The following RFTN1 variants were observed in gnomAD, a reference collection of about 807,000 sequenced individuals.
The protein encoded by RFTN1 is raftlin, lipid raft linker 1, also known as raftlin.
Under a neutral mutation model 46.5 loss-of-function variants are expected in RFTN1, and 26 were observed. That is an observed-to-expected ratio of 0.56 (90% CI 0.41 to 0.78). The LOEUF is 0.78. RFTN1 is among the 30% of genes least tolerant of loss of function. The probability of loss-of-function intolerance (pLI) is 0.00; values close to 1 mark genes in which losing one functional copy is unlikely to be tolerated. For missense variants in RFTN1, 693 were observed against 718.7 expected, an observed-to-expected ratio of 0.96 and a Z score of 0.41; for synonymous variants, 261 against 284.2, an observed-to-expected ratio of 0.92 and a Z score of 0.82.
In RFTN1 at chr3:16,498,619, C is replaced by T. The variant is rs544138684; in HGVS notation, c.-8-4742G>A. ...TGGCTAAGCAACTGTTTCTAAAGCA[C>T]AGCCCTCTTTGGAAAGGGAGACACA... On this transcript the variant is annotated intron_variant, in intron 1 of 9. Transcript: ENST00000334133. This position sits in a 1 kb window ranked among gnomAD's most constrained non-coding sequence, Gnocchi z 5.2. Among the ~76,000 whole-genome samples the T allele has an allele frequency of 3.6e-4, 55 of 152,194 alleles. 1 individual carries two copies. The highest frequency in any genetic ancestry group is 6.2e-4 in the Non-Finnish European group (42 of 68,030).
At chr3:16,364,806 T>C (rs2073052770) in intron 6 of RFTN1, among the ~76,000 whole-genome samples, 1 of 152,226 alleles carries the variant, frequency 6.6e-6, no homozygotes. Context: ...ATGACAAGTA[T>C]ATAAAGTCTG....
At chr3:16,355,784 C>T (rs2072395896) in intron 7 of RFTN1, among the ~76,000 whole-genome samples, 3 of 152,250 alleles carry the variant, frequency 2.0e-5, no homozygotes, top group Non-Finnish European at 4.4e-5. Flanking sequence ...TAACTTCCCA[C>T]ATGATGCTGA....
chr3:16,430,667 C>A (rs562264102), intron 3 of RFTN1, among the ~76,000 whole-genome samples: 5 of 152,228 alleles, frequency 3.3e-5, no homozygotes, highest in African/African-American at 1.2e-4. Flanking sequence ...TTAAAAAAGG[C>A]AGTTCCAAAG....
At chr3:16,472,145 A>G (rs1575340166) in intron 2 of RFTN1, 1 of 151,462 alleles carries the variant, frequency 6.6e-6, no homozygotes, top group Non-Finnish European at 1.5e-5. Flanking sequence ...AGGCTTGAGG[A>G]GTTAAAGAGG....
rs114568480 is a variant in RFTN1 at position 16,475,093 on chromosome 3, A to T, written c.145+18632T>A. 4.9e-3 allele frequency among the ~76,000 whole-genome samples: 741 copies of T among 152,282 alleles called. 5 individuals are homozygous for T. Among genetic ancestry groups the T allele is most frequent in the African/African-American group, 0.015 (642 of 41,562 alleles). The stretch of plus-strand genomic sequence containing the variant: ...GTGAGAACTGGTTGTTTAAAAGAGC[A>T]TGGCACCTCCTCGTCTCTTGCTTCC... On this transcript the variant is annotated intron_variant, in intron 2 of 9. Coordinates refer to ENST00000334133, the MANE Select transcript of RFTN1 (RefSeq NM_015150.2). The surrounding 1 kb of genome is among the most constrained non-coding windows in gnomAD (Gnocchi z 4.2).
intron 7 of RFTN1, among the ~76,000 whole-genome samples, chr3:16,330,160 T>C (rs1211983805): frequency 2.0e-5 from 3 of 152,204 alleles, no homozygotes; most frequent in African/African-American, 4.8e-5. Context: ...TTGAGAGAGC[T>C]GAAGGTTCAA....
chr3:16,352,939 A>G lies in RFTN1; in HGVS notation c.1146+4993T>C, dbSNP rs1005300864. On this transcript the variant is annotated intron_variant, in intron 7 of 9. Transcript: ENST00000334133. The surrounding 1 kb of genome is among the most constrained non-coding windows in gnomAD (Gnocchi z 4.6). ...TGCCAACGTGCTGCACTGTCCGCAC[A>G]CTACATTTTCGTGTGTCCATGCACG... Among the ~76,000 whole-genome samples the G allele has an allele frequency of 6.6e-6, 1 of 152,180 alleles. No individual in the cohort carries two copies. Among genetic ancestry groups the G allele is most frequent in the East Asian group, 1.9e-4 (1 of 5,194 alleles).
At chr3:16,401,984 C>T (rs1296108198) in intron 4 of RFTN1, among the ~76,000 whole-genome samples, 1 of 152,194 alleles carries the variant, frequency 6.6e-6, no homozygotes, top group Non-Finnish European at 1.5e-5. Context: ...CTCAGACACC[C>T]ACATCTCTGT....
At chr3:16,318,029 G>A (rs765159749) in intron 9 of RFTN1, among the ~76,000 whole-genome samples, 2 of 152,112 alleles carry the variant, frequency 1.3e-5, no homozygotes, top group Non-Finnish European at 2.9e-5. Context: ...GCCGCTTCCC[G>A]GGGGCCCAAC....
In RFTN1 at chr3:16,346,263, A is replaced by G. The variant is rs1416421345; in HGVS notation, c.1146+11669T>C. 6.6e-6 allele frequency: 1 copy of G among 152,202 alleles called. No homozygotes were observed. The highest frequency in any genetic ancestry group is 1.5e-5 in the Non-Finnish European group (1 of 68,028). 9.4% of individuals were successfully genotyped at this position (152,202 alleles called of 1,614,324 possible). On this transcript the variant is annotated intron_variant, in intron 7 of 9. Transcript: ENST00000334133. The surrounding 1 kb of genome is among the most constrained non-coding windows in gnomAD (Gnocchi z 4.4). ...TTTCATCCATTCATCATGCTCTCACAGTGGCTGACACACAGTAGGAACTCA... is the reference window on the plus strand; with the variant it reads ...TTTCATCCATTCATCATGCTCTCACGGTGGCTGACACACAGTAGGAACTCA...
At chr3:16,487,992 T>A (rs1424096958) in intron 2 of RFTN1, among the ~76,000 whole-genome samples, 1 of 152,228 alleles carries the variant, frequency 6.6e-6, no homozygotes, top group Non-Finnish European at 1.5e-5. Flanking sequence ...TTCCTGCTGC[T>A]TTCGCCTCTG....
rs1219952044 is a variant in RFTN1, at chr3:16,447,261, A to G, written c.146-13224T>C. On this transcript the variant is annotated intron_variant, in intron 2 of 9. Transcript: ENST00000334133. The surrounding 1 kb of genome is among the most constrained non-coding windows in gnomAD (Gnocchi z 5.9). ...TTATGACATCACAAAAGATTCAACA[A>G]AACTCAGTCAAATGAGAACAGGACC... 2.0e-5 allele frequency among the ~76,000 whole-genome samples: 3 copies of G among 152,228 alleles called. No homozygotes were observed. Among genetic ancestry groups the G allele is most frequent in the African/African-American group, 7.2e-5 (3 of 41,460 alleles).
intron 7 of RFTN1, 90 bp from the exon 8 acceptor site, chr3:16,326,966 A>C: frequency 1.0e-6 from 1 of 957,956 alleles, no homozygotes; most frequent in Non-Finnish European, 1.6e-6. Context: ...CCAATCCGCA[A>C]AACAGAAAAG....
At position 16,403,984 on chromosome 3, in the gene RFTN1, TA is replaced by T. The variant is rs2074721954; in HGVS notation, c.441+5390del. The stretch of plus-strand genomic sequence containing the variant: ...TTATATATATATTATATTTTATATA[TA>T]ATATATAATATATATTTTATATATA... On this transcript the variant is annotated intron_variant, in intron 4 of 9. Coordinates refer to ENST00000334133, the MANE Select transcript of RFTN1 (RefSeq NM_015150.2). Among the ~76,000 whole-genome samples the T allele has an allele frequency of 3.0e-4, 3 of 10,062 alleles. 1 individual carries two copies. The highest frequency in any genetic ancestry group is 1.4e-3 in the African/African-American group (3 of 2,194). The allele number at this position is 10,062 out of a possible 152,430, so 6.6% of individuals were successfully genotyped here.
chr3:16,454,293 G>C (rs2075867766), intron 2 of RFTN1, among the ~76,000 whole-genome samples: 1 of 152,204 alleles, frequency 6.6e-6, no homozygotes, highest in Non-Finnish European at 1.5e-5. Flanking sequence ...TCCATCTATG[G>C]AGTGAGACCA....
chr3:16,345,244 GTAAGA>G lies in RFTN1; in HGVS notation c.1146+12683_1146+12687del, dbSNP rs1004066311. 1 of 149,242 alleles carries G rather than the reference GTAAGA, an allele frequency of 6.7e-6. No homozygotes were observed. The highest frequency in any genetic ancestry group is 2.5e-5 in the African/African-American group (1 of 39,786). The allele number at this position is 149,242 out of a possible 1,614,324, so 9.2% of individuals were successfully genotyped here. The stretch of plus-strand genomic sequence containing the variant: ...CCTGGATTTCTGGCCCACAGAAACT[GTAAGA>G]TAATAAGTAGGTGGTTGTGTGTGTG... On this transcript the variant is annotated intron_variant, in intron 7 of 9. Coordinates refer to ENST00000334133, the MANE Select transcript of RFTN1 (RefSeq NM_015150.2). The surrounding 1 kb of genome is among the most constrained non-coding windows in gnomAD (Gnocchi z 5.2).
chr3:16,412,367 A>C (rs888449204), intron 3 of RFTN1, among the ~76,000 whole-genome samples: 5 of 152,174 alleles, frequency 3.3e-5, no homozygotes, highest in African/African-American at 1.2e-4. Context: ...TGAAGTCAGC[A>C]CTCTGTGATG....
At chr3:16,493,998 G>A (rs2076585112) in intron 1 of RFTN1, 121 bp from the exon 2 acceptor site, 3 of 1,056,048 alleles carry the variant, frequency 2.8e-6, no homozygotes, top group Non-Finnish European at 4.2e-6. Context: ...CAGCCCTTAT[G>A]AAACTGAGAG....
chr3:16,393,327 G>C (rs551318308), intron 4 of RFTN1, among the ~76,000 whole-genome samples: 16 of 152,266 alleles, frequency 1.1e-4, no homozygotes, highest in African/African-American at 3.9e-4. Context: ...ATGCACCATA[G>C]ACATTATGTT....
Sources: gnomAD v4.1 joint callset for allele counts (sites outside exome capture counted in the v4.1 genomes callset) on GRCh38, gnomAD v4.1.1 for gene constraint, Gnocchi (gnomAD v3.1) non-coding constraint, MANE v1.5 for transcripts, NCBI Gene and HGNC (gene_info 2026-07-23, HGNC 2026-07-21) for gene names.